The following MAGI2 variants were observed in gnomAD, a reference collection of about 807,000 sequenced individuals.
The protein encoded by MAGI2 is membrane associated guanylate kinase, WW and PDZ domain containing 2, also known as membrane-associated guanylate kinase, WW and PDZ domain-containing protein 2.
In MAGI2, 35 loss-of-function variants were observed where a neutral mutation model predicts 133.3. The ratio of observed to expected loss-of-function variants is 0.26; its 90% CI spans 0.20 to 0.35. MAGI2 has a LOEUF of 0.35. MAGI2 is among the 10% of genes least tolerant of loss of function. The pLI is 1.00. For missense variants in MAGI2, 1,636 were observed against 1,863.4 expected, an observed-to-expected ratio of 0.88 and a Z score of 2.25; for synonymous variants, 729 against 710.6, an observed-to-expected ratio of 1.03 and a Z score of -0.41.
chr7:78,443,338 C>T (rs1787805870), intron 6 of MAGI2, among the ~76,000 whole-genome samples: 1 of 152,052 alleles, frequency 6.6e-6, no homozygotes, highest in Non-Finnish European at 1.5e-5. Flanking sequence ...TCTTGGACCT[C>T]ACATAGTGGT....
intron 2 of MAGI2, among the ~76,000 whole-genome samples, chr7:78,767,819 C>A (rs1168642225): frequency 6.6e-6 from 1 of 152,166 alleles, no homozygotes; most frequent in Non-Finnish European, 1.5e-5. Context: ...GTTTTCCAAG[C>A]TCAAAGCTAT....
At chr7:78,825,593 A>G (rs1255411384) in intron 2 of MAGI2, among the ~76,000 whole-genome samples, 1 of 152,202 alleles carries the variant, frequency 6.6e-6, no homozygotes, top group Non-Finnish European at 1.5e-5. Context: ...AGAATAAAAA[A>G]CTAGTTTTTT....
chr7:78,489,933 A>C, intron 5 of MAGI2, 93 bp from the exon 6 acceptor site: 1 of 864,058 alleles, frequency 1.2e-6, no homozygotes, highest in Non-Finnish European at 1.9e-6. Context: ...GTCCAACAAA[A>C]TTGCAATCGA....
chr7:79,445,252 G>T (rs923891719), intron 1 of MAGI2, among the ~76,000 whole-genome samples: 13 of 152,070 alleles, frequency 8.5e-5, no homozygotes, highest in South Asian at 4.2e-4. Context: ...GACATAGGCA[G>T]GGGCAAGGAC....
At chr7:79,441,261 A>C (rs1848476927) in intron 1 of MAGI2, among the ~76,000 whole-genome samples, 1 of 152,204 alleles carries the variant, frequency 6.6e-6, no homozygotes, top group African/African-American at 2.4e-5. Flanking sequence ...CCAGGTAGAC[A>C]ACCAACAATT....
At chr7:79,276,564 A>T (rs1291598466) in intron 1 of MAGI2, among the ~76,000 whole-genome samples, 1 of 152,206 alleles carries the variant, frequency 6.6e-6, no homozygotes, top group East Asian at 1.9e-4. Flanking sequence ...TGAACAGATA[A>T]ACACATGAGG....
intron 1 of MAGI2, among the ~76,000 whole-genome samples, chr7:79,270,707 G>T (rs1425969392): frequency 1.3e-5 from 2 of 151,520 alleles, no homozygotes; most frequent in Non-Finnish European, 2.9e-5. Flanking sequence ...TAGCTGTGTG[G>T]TCTGGGGAGA....
chr7:78,429,774 T>C (rs1178636870), intron 6 of MAGI2, among the ~76,000 whole-genome samples: 3 of 152,128 alleles, frequency 2.0e-5, no homozygotes, highest in African/African-American at 7.2e-5. Flanking sequence ...TAGCTTTGTA[T>C]AGCACTTGCT....
rs80344544 is a variant in MAGI2, at chr7:78,257,448, G to T, written c.1409-867C>A. Among the ~76,000 whole-genome samples, 829 of 152,246 alleles carry T rather than the reference G, an allele frequency of 5.4e-3. 5 individuals are homozygous for T. Among genetic ancestry groups the T allele is most frequent in the African/African-American group, 0.019 (779 of 41,550 alleles). On this transcript the variant is annotated intron_variant, in intron 9 of 21. Transcript: ENST00000354212. Reference sequence around the variant, plus strand: ...GATAAACTAATATTTCTGTGGATCAGTTTCAATAAAGGCACTTGTCCTTTC... The same window carrying T: ...GATAAACTAATATTTCTGTGGATCATTTTCAATAAAGGCACTTGTCCTTTC...
intron 2 of MAGI2, among the ~76,000 whole-genome samples, chr7:78,649,221 G>GGAAAAAAAAAAAAAAAAAA (rs1811237435): frequency 2.5e-4 from 1 of 3,950 alleles, no homozygotes; most frequent in Non-Finnish European, 4.0e-4. Context: ...ATGACTTGTG[G>GGAAAAAAAAAAAAAAAAAA]TAAAAAAAAA....
chr7:78,643,056 C>T (rs1371647719), intron 2 of MAGI2, among the ~76,000 whole-genome samples: 1 of 152,196 alleles, frequency 6.6e-6, no homozygotes, highest in South Asian at 2.1e-4. Flanking sequence ...TATCCTATGG[C>T]TATCCCAGTT....
intron 9 of MAGI2, among the ~76,000 whole-genome samples, chr7:78,326,648 G>T (rs1788617322): frequency 6.6e-6 from 1 of 152,024 alleles, no homozygotes; most frequent in South Asian, 2.1e-4. Flanking sequence ...AGGGGAGGTG[G>T]AAGAGGTATA....
chr7:78,119,023 A>G (rs769310599), intron 20 of MAGI2, among the ~76,000 whole-genome samples: 2 of 152,214 alleles, frequency 1.3e-5, no homozygotes, highest in Non-Finnish European at 2.9e-5. Flanking sequence ...GGAAAGTTAA[A>G]TGCATACTAC....
At chr7:78,138,676 C>CACA (rs1554469078) in intron 16 of MAGI2, among the ~76,000 whole-genome samples, 10 of 142,824 alleles carry the variant, frequency 7.0e-5, no homozygotes, top group African/African-American at 2.3e-4. Context: ...CACACACACA[C>CACA]AATTTGTATG....
At position 78,017,715 on chromosome 7, in the gene MAGI2, C is replaced by T. The variant is rs993518616; in HGVS notation, c.*1600G>A. ...CTCCTGTCAAACAACTAAACTACTC[C>T]GATGTTTGATGAAAATTAAACTGCT... On this transcript the variant is annotated 3_prime_UTR_variant, in exon 22 of 22. Coordinates refer to ENST00000354212, the MANE Select transcript of MAGI2 (RefSeq NM_012301.4). 2 of 152,594 alleles carry T rather than the reference C, an allele frequency of 1.3e-5. No individual in the cohort carries two copies. Among genetic ancestry groups the T allele is most frequent in the African/African-American group, 4.8e-5 (2 of 41,444 alleles). 9.5% of individuals were successfully genotyped at this position (152,594 alleles called of 1,614,324 possible).
intron 1 of MAGI2, among the ~76,000 whole-genome samples, chr7:79,277,188 C>A (rs1472930026): frequency 6.6e-6 from 1 of 152,074 alleles, no homozygotes; most frequent in Non-Finnish European, 1.5e-5. Context: ...GCCATCCCAA[C>A]CTTCAGCAAC....
intron 10 of MAGI2, among the ~76,000 whole-genome samples, chr7:78,221,909 G>A (rs902931782): frequency 6.6e-5 from 10 of 151,886 alleles, no homozygotes; most frequent in Non-Finnish European, 1.3e-4. Context: ...CATTAGCTGG[G>A]CATTGTGGTG....
chr7:79,168,893 T>G (rs1188070773), intron 1 of MAGI2, among the ~76,000 whole-genome samples: 748 of 6,874 alleles, frequency 0.11, 1 homozygote, highest in Non-Finnish European at 0.28. Flanking sequence ...AAGATAGATA[T>G]ATATATATAT....
chr7:78,595,226 C>A (rs1197018654), intron 3 of MAGI2, among the ~76,000 whole-genome samples: 1 of 152,060 alleles, frequency 6.6e-6, no homozygotes, highest in Non-Finnish European at 1.5e-5. Flanking sequence ...TTTCCTCTCC[C>A]AAATTGTTGC....
Sources: allele counts gnomAD v4.1 joint callset (sites outside exome capture counted in the v4.1 genomes callset), GRCh38; gene constraint gnomAD v4.1.1; transcripts MANE v1.5; gene names NCBI Gene and HGNC (gene_info 2026-07-23, HGNC 2026-07-21).